The following PXDNL variants were observed in gnomAD, a reference collection of about 807,000 sequenced individuals.
PXDNL encodes peroxidasin like, also known as probable oxidoreductase PXDNL.
A neutral mutation model predicts 150.8 loss-of-function variants in PXDNL; 145 were observed. The ratio of observed to expected loss-of-function variants is 0.96; its 90% CI spans 0.84 to 1.10. PXDNL has a LOEUF of 1.10. Ranked by LOEUF, PXDNL falls within the 50% of genes least tolerant of loss-of-function variation. The pLI is 0.00. For missense variants in PXDNL, 2,087 were observed against 1,873.9 expected, an observed-to-expected ratio of 1.11 and a Z score of -2.10; for synonymous variants, 757 against 725.7, an observed-to-expected ratio of 1.04 and a Z score of -0.69.
At chr8:51,641,582 G>A (rs1814756136) in intron 2 of PXDNL, among the ~76,000 whole-genome samples, 2 of 152,008 alleles carry the variant, frequency 1.3e-5, no homozygotes, top group East Asian at 3.9e-4. Flanking sequence ...AGACATTTAT[G>A]CAGCCAAAAA....
rs556577710 is a variant in PXDNL, at chr8:51,635,825, G to T, written c.236+18864C>A. Among the ~76,000 whole-genome samples the T allele has an allele frequency of 3.3e-5, 5 of 152,042 alleles. No homozygotes were observed. The South Asian group carries it at 1.0e-3, about 32-fold the overall frequency. On this transcript the variant is annotated intron_variant, in intron 2 of 22. Transcript: ENST00000356297. ...CTCAAAATTTTCCAAAAAAATAGAA[G>T]AGGAAAGAACGCTTCTTAACTCACT...
intron 5 of PXDNL, among the ~76,000 whole-genome samples, chr8:51,495,203 G>A (rs1811015846): frequency 1.3e-5 from 2 of 151,982 alleles, no homozygotes; most frequent in South Asian, 4.2e-4. Context: ...CAAAATGAAG[G>A]CAGAAATAAA....
At chr8:51,695,989 C>A (rs934069103) in intron 1 of PXDNL, among the ~76,000 whole-genome samples, 1 of 152,134 alleles carries the variant, frequency 6.6e-6, no homozygotes, top group Non-Finnish European at 1.5e-5. Context: ...AATTTCAGCT[C>A]CCAATTTCCT....
chr8:51,802,738 T>C (rs916935308), intron 1 of PXDNL, among the ~76,000 whole-genome samples: 1 of 152,208 alleles, frequency 6.6e-6, no homozygotes, highest in Admixed American at 6.5e-5. Context: ...TTTTACATAA[T>C]AGCAAGAACA....
chr8:51,514,118 T>C (rs1174284145), intron 4 of PXDNL, among the ~76,000 whole-genome samples: 1 of 152,238 alleles, frequency 6.6e-6, no homozygotes, highest in African/African-American at 2.4e-5. Flanking sequence ...GGAAGTTGGT[T>C]GATGCTTGAA....
intron 1 of PXDNL, among the ~76,000 whole-genome samples, chr8:51,719,803 T>C (rs1816693332): frequency 6.6e-6 from 1 of 152,274 alleles, no homozygotes; most frequent in African/African-American, 2.4e-5. Flanking sequence ...TCAAAAATTC[T>C]TCCAGAGTAT....
At chr8:51,654,274 G>A (rs1815104272) in intron 2 of PXDNL, among the ~76,000 whole-genome samples, 1 of 152,122 alleles carries the variant, frequency 6.6e-6, no homozygotes, top group Admixed American at 6.5e-5. Context: ...TGATTCTAAA[G>A]CTATTCTTTG....
Position 51,474,966 on chromosome 8 carries a change from A to G in PXDNL, c.694+6T>C. 9 of 1,579,168 alleles carry G rather than the reference A, an allele frequency of 5.7e-6. No individual in the cohort carries two copies. Among genetic ancestry groups the G allele is most frequent in the Middle Eastern group, 1.8e-4 (1 of 5,524 alleles). ...CTATCTTATGTACACATTGAAATTT[A>G]CGTACGGCAATTGAATTCCTCTACT... On this transcript the variant is annotated splice_donor_region_variant and intron_variant, in intron 7 of 22. Coordinates refer to ENST00000356297, the MANE Select transcript of PXDNL (RefSeq NM_144651.5).
intron 1 of PXDNL, among the ~76,000 whole-genome samples, chr8:51,656,210 T>C (rs911501585): frequency 1.3e-5 from 2 of 152,234 alleles, no homozygotes; most frequent in Non-Finnish European, 2.9e-5. Context: ...TTAGAATACT[T>C]GACTCACAAA....
chr8:51,408,926 A>C lies in PXDNL; in HGVS notation c.2698T>G (p.Tyr900Asp). 6.2e-7 allele frequency: 1 copy of C among 1,612,248 alleles called. No homozygotes were observed. The highest frequency in any genetic ancestry group is 8.5e-7 in the Non-Finnish European group (1 of 1,179,498). Reference protein sequence around the residue: ...QTAYIDGSNVYGSSERESQAL... With the variant: ...QTAYIDGSNVDGSSERESQAL... ...TGGGATTCCCGCTCCGAGCTCCCGT[A>C]AACGTTGGAGCCATCGATGTAGGCT... The change falls in exon 17 of 23, where the codon TAC becomes GAC. Residue 900 changes from tyrosine (Y) to aspartate (D), a missense_variant. Transcript: ENST00000356297.
chr8:51,672,523 G>A (rs555154990), intron 1 of PXDNL, among the ~76,000 whole-genome samples: 3 of 152,260 alleles, frequency 2.0e-5, no homozygotes, highest in East Asian at 3.9e-4. Flanking sequence ...AGTAGAGAAG[G>A]AAATGTCAAA....
At chr8:51,677,905 A>C (rs747295324) in intron 1 of PXDNL, among the ~76,000 whole-genome samples, 1 of 152,212 alleles carries the variant, frequency 6.6e-6, no homozygotes, top group Non-Finnish European at 1.5e-5. Flanking sequence ...GTTCCAGCTA[A>C]TACTGCTAGA....
At chr8:51,772,772 G>A (rs1289985574) in intron 1 of PXDNL, among the ~76,000 whole-genome samples, 1 of 152,222 alleles carries the variant, frequency 6.6e-6, no homozygotes, top group Non-Finnish European at 1.5e-5. Flanking sequence ...CAGGGGCAGA[G>A]TTAATGAAGT....
In PXDNL at chr8:51,319,895, C is replaced by T. The variant is rs369513519; in HGVS notation, c.4388G>A (p.Arg1463His). 88 of 1,526,060 alleles carry T rather than the reference C, an allele frequency of 5.8e-5. No homozygotes were observed. The highest frequency in any genetic ancestry group is 4.2e-4 in the African/African-American group (30 of 71,266). 94.5% of individuals were successfully genotyped at this position (1,526,060 alleles called of 1,614,324 possible). Residue 1463 changes from arginine to histidine, a missense_variant, in exon 23 of 23, where the codon CGC becomes CAC. Arg to His is a conservative substitution (Grantham distance 29). Coordinates refer to ENST00000356297, the MANE Select transcript of PXDNL (RefSeq NM_144651.5). ...CTCAACAGCACAAAACTTTTATTAG[C>T]GCTTCTCTGGGGAATCACTTGGCAT... ...RGMPSDSPEK[R>H]
intron 17 of PXDNL, among the ~76,000 whole-genome samples, chr8:51,378,755 C>T (rs1013907248): frequency 6.7e-6 from 1 of 149,166 alleles, no homozygotes; most frequent in Non-Finnish European, 1.5e-5. Flanking sequence ...TCCACACGTG[C>T]GGCCTTAAGA....
chr8:51,780,785 G>A (rs1379240711), intron 1 of PXDNL, among the ~76,000 whole-genome samples: 2 of 150,016 alleles, frequency 1.3e-5, no homozygotes, highest in Admixed American at 6.7e-5. Context: ...TCAGCTTCCC[G>A]AGTAGCTGGA....
intron 3 of PXDNL, among the ~76,000 whole-genome samples, chr8:51,584,468 TC>T (rs2130635656): frequency 6.6e-6 from 1 of 152,340 alleles, no homozygotes; most frequent in South Asian, 2.1e-4. Context: ...GCTGTGTTCA[TC>T]TATTCCATAT....
At chr8:51,378,603 TGCAATAA>T (rs1188150252) in intron 17 of PXDNL, among the ~76,000 whole-genome samples, 3 of 152,238 alleles carry the variant, frequency 2.0e-5, no homozygotes, top group African/African-American at 7.2e-5. Context: ...TTTTGCGCTT[TGCAATAA>T]ATCTTGCTGC....
At chr8:51,646,836 C>T (rs939080075) in intron 2 of PXDNL, among the ~76,000 whole-genome samples, 3 of 152,000 alleles carry the variant, frequency 2.0e-5, no homozygotes, top group Admixed American at 6.6e-5. Context: ...AGGGGACAAC[C>T]GCAAGAATCT....
Sources: gnomAD v4.1 joint callset for allele counts (sites outside exome capture counted in the v4.1 genomes callset) on GRCh38, gnomAD v4.1.1 for gene constraint, MANE v1.5 for transcripts, NCBI Gene and HGNC (gene_info 2026-07-23, HGNC 2026-07-21) for gene names.